RERG: variants seen among roughly 807,000 people sequenced by gnomAD.
RERG encodes the protein RAS like estrogen regulated growth inhibitor, also known as ras-related and estrogen-regulated growth inhibitor.
A neutral mutation model predicts 23.2 loss-of-function variants in RERG; 25 were observed. That is an observed-to-expected ratio of 1.08 (90% CI 0.79 to 1.50). The LOEUF is 1.50. Ranked by LOEUF, RERG falls within the 40% of genes most tolerant of loss-of-function variation. The pLI is 0.00. For missense variants in RERG, 253 were observed against 250.1 expected (o/e 1.01, Z -0.08); for synonymous variants, 81 against 89.1 (o/e 0.91, Z 0.51).
intron 2 of RERG, among the ~76,000 whole-genome samples, chr12:15,182,970 C>G (rs1407879681): frequency 6.6e-6 from 1 of 151,826 alleles, no homozygotes; most frequent in Non-Finnish European, 1.5e-5. Context: ...GGTCCCAGCT[C>G]CTGAAAGGCT....
chr12:15,203,576 TA>T (rs1865245792), intron 2 of RERG, among the ~76,000 whole-genome samples: 1 of 151,590 alleles, frequency 6.6e-6, no homozygotes, highest in African/African-American at 2.4e-5. Context: ...CCAGAGTAAC[TA>T]ATCAAGAAAA....
intron 2 of RERG, among the ~76,000 whole-genome samples, chr12:15,139,809 T>A (rs576496999): frequency 1.3e-5 from 2 of 152,242 alleles, no homozygotes; most frequent in East Asian, 3.9e-4. Flanking sequence ...TTTATTTCCT[T>A]TTCCTGTCTG....
At chr12:15,154,472 G>C (rs1864492176) in intron 2 of RERG, 1 of 152,180 alleles carries the variant, frequency 6.6e-6, no homozygotes, top group Non-Finnish European at 1.5e-5. Context: ...GGAGAGCAGT[G>C]TCTCTAATAA....
At chr12:15,114,614 C>A (rs954221039) in intron 3 of RERG, 6 of 152,158 alleles carry the variant, frequency 3.9e-5, no homozygotes, top group African/African-American at 1.4e-4. Context: ...CTTCTCTACA[C>A]CGACAATGAG....
Position 15,217,409 on chromosome 12 carries a change from AACC to A in RERG, c.61+17_61+19del. On this transcript the variant is annotated intron_variant, in intron 2 of 4. Coordinates refer to ENST00000256953, the MANE Select transcript of RERG (RefSeq NM_032918.3). ...CTCACCCACACACACACACTATAAC[AACC>A]ACAACGAAAATCTTACCTGACTTGC... 1 of 1,578,430 alleles carries A rather than the reference AACC, an allele frequency of 6.3e-7. No individual in the cohort carries two copies. Among genetic ancestry groups the A allele is most frequent in the Non-Finnish European group, 8.7e-7 (1 of 1,147,432 alleles).
chr12:15,117,502 AC>A (rs1206272850), intron 3 of RERG, among the ~76,000 whole-genome samples: 1 of 152,192 alleles, frequency 6.6e-6, no homozygotes, highest in African/African-American at 2.4e-5. Context: ...GGCAAGAAGA[AC>A]CAATCACAGA....
chr12:15,188,280 T>C (rs1465911258), intron 2 of RERG, among the ~76,000 whole-genome samples: 2 of 152,150 alleles, frequency 1.3e-5, no homozygotes, highest in African/African-American at 2.4e-5. Flanking sequence ...CATGCTCTAA[T>C]AGAATAGGTT....
intron 2 of RERG, among the ~76,000 whole-genome samples, chr12:15,205,354 G>A (rs1865269005): frequency 6.6e-6 from 1 of 152,008 alleles, no homozygotes; most frequent in Non-Finnish European, 1.5e-5. Flanking sequence ...ATAAGTGGGA[G>A]ACCTAAGAAA....
chr12:15,219,334 A>C (rs1293061111), intron 1 of RERG, among the ~76,000 whole-genome samples: 1 of 152,212 alleles, frequency 6.6e-6, no homozygotes, highest in Non-Finnish European at 1.5e-5. Flanking sequence ...TAGGTATTTA[A>C]GCTATCATCC....
At chr12:15,207,741 T>C (rs1048740458) in intron 2 of RERG, among the ~76,000 whole-genome samples, 2 of 151,970 alleles carry the variant, frequency 1.3e-5, no homozygotes, top group African/African-American at 4.8e-5. Context: ...AGCTAGACTA[T>C]AGAAGAAGAG....
intron 2 of RERG, among the ~76,000 whole-genome samples, chr12:15,126,724 C>CTTTTT (rs71042228): frequency 0.028 from 3,683 of 132,310 alleles, 160 homozygotes; most frequent in Non-Finnish European, 0.031. Flanking sequence ...CTTTTTCTTT[C>CTTTTT]TTTTTTTTTT....
At chr12:15,154,769 A>C (rs1243636046) in intron 2 of RERG, among the ~76,000 whole-genome samples, 3 of 152,216 alleles carry the variant, frequency 2.0e-5, no homozygotes, top group South Asian at 4.1e-4. Flanking sequence ...TCTGTGTCTT[A>C]TTTAGGTGAG....
chr12:15,120,387 C>A (rs983016250), intron 3 of RERG, among the ~76,000 whole-genome samples: 1 of 151,846 alleles, frequency 6.6e-6, no homozygotes, highest in South Asian at 2.1e-4. Context: ...ACACAGAAGG[C>A]GCTTGATAAA....
At chr12:15,196,434 T>C (rs1565534773) in intron 2 of RERG, among the ~76,000 whole-genome samples, 1 of 152,130 alleles carries the variant, frequency 6.6e-6, no homozygotes, top group Non-Finnish European at 1.5e-5. Context: ...TTAATCATTC[T>C]TTTCCCCTGA....
chr12:15,182,680 A>T (rs1864940626), intron 2 of RERG, among the ~76,000 whole-genome samples: 2 of 152,206 alleles, frequency 1.3e-5, no homozygotes. Context: ...GAATGACATC[A>T]AAGTAAAGTG....
intron 2 of RERG, among the ~76,000 whole-genome samples, chr12:15,201,992 C>T (rs1176406807): frequency 6.6e-6 from 1 of 151,660 alleles, no homozygotes; most frequent in Non-Finnish European, 1.5e-5. Flanking sequence ...AAGGACCTTT[C>T]CTATGACTGA....
intron 2 of RERG, among the ~76,000 whole-genome samples, chr12:15,191,177 C>T (rs1331699534): frequency 6.6e-6 from 1 of 152,146 alleles, no homozygotes; most frequent in African/African-American, 2.4e-5. Flanking sequence ...GATCATAGAT[C>T]TTCAGACAAT....
At position 15,121,108 on chromosome 12, in the gene RERG, TCAC is replaced by T; in HGVS notation, c.70_72del (p.Val24del). On this transcript the variant is annotated inframe_deletion, in exon 3 of 5. Coordinates refer to ENST00000256953, the MANE Select transcript of RERG (RefSeq NM_032918.3). ...CAGATGAACCGTTTGGTCAGAAATC[TCAC>T]TACAAGAGCTGTGGAAGAAAAGAGC... The T allele has an allele frequency of 6.2e-7, 1 of 1,613,182 alleles. No individual in the cohort carries two copies. The highest frequency in any genetic ancestry group is 1.1e-5 in the South Asian group (1 of 90,966).
chr12:15,203,738 AATC>A (rs148197251), intron 2 of RERG, among the ~76,000 whole-genome samples: 5,403 of 151,788 alleles, frequency 0.036, 211 homozygotes, highest in African/African-American at 0.099. Context: ...CTATTTACAA[AATC>A]AACAAACAAA....
Sources: allele counts gnomAD v4.1 joint callset (sites outside exome capture counted in the v4.1 genomes callset), GRCh38; gene constraint gnomAD v4.1.1; transcripts MANE v1.5; gene names NCBI Gene and HGNC (gene_info 2026-07-23, HGNC 2026-07-21).